Variants in SART3 observed in about 807,000 individuals in gnomAD.
The protein encoded by SART3 is spliceosome associated factor 3, U4/U6 recycling protein.
A neutral mutation model predicts 122.3 loss-of-function variants in SART3; 44 were observed. That is an observed-to-expected ratio of 0.36 (90% CI 0.28 to 0.46). The LOEUF is 0.46. Ranked by LOEUF, SART3 falls within the 20% of genes least tolerant of loss-of-function variation. The pLI, the probability that SART3 is intolerant of heterozygous loss-of-function variation, is 1.00. For missense variants in SART3, 1,101 were observed against 1,229.0 expected, an observed-to-expected ratio of 0.90 and a Z score of 1.56; for synonymous variants, 442 against 454.0, an observed-to-expected ratio of 0.97 and a Z score of 0.34.
At chr12:108,553,414 G>A (rs2030085490) in intron 1 of SART3, among the ~76,000 whole-genome samples, 1 of 152,112 alleles carries the variant, frequency 6.6e-6, no homozygotes, top group Non-Finnish European at 1.5e-5. Flanking sequence ...ACAAGTGCAT[G>A]GAAATCTACA....
chr12:108,557,502 T>C (rs943909830), intron 1 of SART3, among the ~76,000 whole-genome samples: 5 of 152,206 alleles, frequency 3.3e-5, no homozygotes, highest in African/African-American at 4.8e-5. Flanking sequence ...AGAAAACAAC[T>C]GGTGCAATCA....
Position 108,530,244 on chromosome 12 carries a change from G to A in SART3, c.1813C>T (p.Arg605Trp), listed in dbSNP as rs368028059. ...TTTTTTAACGCTTTCTTCTCAGCCCGAGCTCTTTTCCGTTGTTCAGCCTTT... is the reference window on the plus strand; with the variant it reads ...TTTTTTAACGCTTTCTTCTCAGCCCAAGCTCTTTTCCGTTGTTCAGCCTTT... Reference protein sequence around the residue: ...EEKAEQRKRARAEKKALKKKK... With the variant: ...EEKAEQRKRAWAEKKALKKKK... Residue 605 changes from arginine to tryptophan, a missense_variant, in exon 15 of 19, where the codon CGG (arginine) becomes TGG (tryptophan). By Grantham distance (101) the Arg-to-Trp change is moderately radical. This residue lies in a region of SART3 where 885 missense variants were observed against 1,080.1 expected (regional missense o/e 0.82). Coordinates refer to ENST00000546815, the MANE Select transcript of SART3 (RefSeq NM_014706.4). The A allele has an allele frequency of 1.2e-5, 19 of 1,613,996 alleles. No homozygotes were observed. The highest frequency in any genetic ancestry group is 1.4e-5 in the Non-Finnish European group (16 of 1,180,010).
intron 1 of SART3, among the ~76,000 whole-genome samples, chr12:108,549,762 T>C (rs2029917878): frequency 6.6e-6 from 1 of 152,172 alleles, no homozygotes; most frequent in Non-Finnish European, 1.5e-5. Flanking sequence ...ACATCTGTGA[T>C]CCCAGCACTT....
chr12:108,549,370 T>C (rs550696290), intron 1 of SART3, 156 bp from the exon 2 acceptor site: 9 of 710,682 alleles, frequency 1.3e-5, no homozygotes, highest in African/African-American at 7.1e-5. Context: ...TACCCACAGG[T>C]AGAAGACAAA....
chr12:108,551,945 A>G (rs190776428), intron 1 of SART3, among the ~76,000 whole-genome samples: 23 of 150,848 alleles, frequency 1.5e-4, no homozygotes, highest in Admixed American at 4.6e-4. Flanking sequence ...ATGCTACTAA[A>G]ACAGTACGGA....
At chr12:108,559,384 G>A (rs1320451764) in intron 1 of SART3, among the ~76,000 whole-genome samples, 5 of 152,128 alleles carry the variant, frequency 3.3e-5, no homozygotes, top group African/African-American at 7.2e-5. Flanking sequence ...AGAGAATGCG[G>A]GCCGGGCGTA....
chr12:108,528,086 T>C (rs892615859), intron 15 of SART3, among the ~76,000 whole-genome samples: 1 of 152,146 alleles, frequency 6.6e-6, no homozygotes, highest in Non-Finnish European at 1.5e-5. Flanking sequence ...TTCTTTACCT[T>C]GACTGACTCT....
intron 12 of SART3, 146 bp from the exon 13 acceptor site, chr12:108,532,480 GCTTTCT>G: frequency 1.5e-6 from 1 of 680,036 alleles, no homozygotes; most frequent in East Asian, 2.8e-5. Context: ...TATCCATGAT[GCTTTCT>G]CCTTCCAGAG....
chr12:108,524,318 T>G lies in SART3; in HGVS notation c.2712A>C (p.Gly904=), dbSNP rs779611084. The change falls in exon 18 of 19, where the codon GGA becomes GGC. Residue 904 remains glycine (G), a splice_region_variant and synonymous_variant. Transcript: ENST00000546815. ...TAGTCTACCATGCAAGCACTTACGC[T>G]CCGTATGTCTGCGGCAAAAGCATGG... is the stretch of plus-strand genomic sequence containing the variant. ...GGPMLLPQTY[G]ARGKGRTQLS... is the part of the protein sequence containing the mutation. 5.6e-6 allele frequency: 9 copies of G among 1,613,436 alleles called. No individual in the cohort carries two copies. The Admixed American group carries it at 1.5e-4, about 27-fold the overall frequency.
intron 1 of SART3, among the ~76,000 whole-genome samples, chr12:108,553,786 C>T (rs1373556884): frequency 3.3e-5 from 5 of 152,164 alleles, no homozygotes; most frequent in East Asian, 1.9e-4. Context: ...TGAAGGATTA[C>T]GGGGTTTTGT....
At chr12:108,526,031 C>A (rs1358374460) in intron 16 of SART3, 68 bp downstream of exon 16, 2 of 1,237,832 alleles carry the variant, frequency 1.6e-6, no homozygotes, top group African/African-American at 3.0e-5. Context: ...AATATCACTG[C>A]TGCAGGAAGA....
intron 4 of SART3, 157 bp from the exon 5 acceptor site, chr12:108,544,635 C>A: frequency 1.1e-6 from 1 of 951,908 alleles, no homozygotes; most frequent in Non-Finnish European, 1.7e-6. Context: ...GGTGTGATCA[C>A]AACTCACTAC....
chr12:108,560,180 A>G (rs182146926), intron 1 of SART3: 1 of 152,454 alleles, frequency 6.6e-6, no homozygotes, highest in African/African-American at 2.4e-5. Context: ...CAAGTGAGAG[A>G]CCATGTTATG....
chr12:108,552,741 A>G (rs893629926), intron 1 of SART3, among the ~76,000 whole-genome samples: 3 of 152,184 alleles, frequency 2.0e-5, no homozygotes, highest in Non-Finnish European at 4.4e-5. Flanking sequence ...GAAAAACTCA[A>G]CATAGTCAAG....
At chr12:108,555,705 AT>A (rs1453728782) in intron 1 of SART3, among the ~76,000 whole-genome samples, 1 of 152,190 alleles carries the variant, frequency 6.6e-6, no homozygotes, top group Non-Finnish European at 1.5e-5. Flanking sequence ...GAATGGAGTT[AT>A]ATGCATGTTC....
At position 108,559,039 on chromosome 12, in the gene SART3, GAAAAAAAAAAA is replaced by G. The variant is rs747479698; in HGVS notation, c.312+1793_312+1803del. 2.9e-4 allele frequency among the ~76,000 whole-genome samples: 30 copies of G among 103,948 alleles called. 1 individual carries two copies. Among genetic ancestry groups the G allele is most frequent in the African/African-American group, 1.1e-3 (28 of 26,506 alleles). 68.2% of individuals were successfully genotyped at this position (103,948 alleles called of 152,430 possible). A position where few individuals can be genotyped will look rare whatever the true frequency, so the allele number is the denominator to read the frequency against. ...CAGAGCAAGACTCCGTCTCAAAAAAGAAAAAAAAAAAAAAAAAAAAAAGTAGAAATGCTAAC... is the reference window on the plus strand; with the variant it reads ...CAGAGCAAGACTCCGTCTCAAAAAAGAAAAAAAAAAAGTAGAAATGCTAAC... On this transcript the variant is annotated intron_variant, in intron 1 of 18. Transcript: ENST00000546815.
chr12:108,547,108 C>T (rs1873461019), intron 3 of SART3, among the ~76,000 whole-genome samples: 2 of 152,244 alleles, frequency 1.3e-5, no homozygotes, highest in Non-Finnish European at 2.9e-5. Context: ...GCGTGAGCCA[C>T]CACACCCAGC....
At chr12:108,543,505 A>G (rs755567589) in intron 5 of SART3, among the ~76,000 whole-genome samples, 9 of 152,190 alleles carry the variant, frequency 5.9e-5, no homozygotes, top group Admixed American at 1.3e-4. Context: ...CAGTTGAGGA[A>G]ACTGAAGCAG....
At chr12:108,550,224 G>A (rs1287568015) in intron 1 of SART3, among the ~76,000 whole-genome samples, 3 of 152,024 alleles carry the variant, frequency 2.0e-5, no homozygotes, top group Admixed American at 6.6e-5. Context: ...TTGAAGAATA[G>A]CTAAAGGAAG....
Sources: gnomAD v4.1 joint callset for allele counts (sites outside exome capture counted in the v4.1 genomes callset) on GRCh38, gnomAD v4.1.1 for gene constraint, gnomAD v4.1.1 regional missense constraint, MANE v1.5 for transcripts, NCBI Gene and HGNC (gene_info 2026-07-23, HGNC 2026-07-21) for gene names.